Variants in MAPK10 observed in about 807,000 individuals in gnomAD.
MAPK10 encodes the protein mitogen-activated protein kinase 10.
Under a neutral mutation model 59.3 loss-of-function variants are expected in MAPK10, and 25 were observed. That is an observed-to-expected ratio of 0.42 (90% CI 0.31 to 0.59). The LOEUF (loss-of-function observed/expected upper bound fraction) is 0.59, where lower values mean the gene tolerates loss of function less well. MAPK10 is among the 20% of genes least tolerant of loss of function. MAPK10 has a pLI of 0.15. For missense variants in MAPK10, 351 were observed against 568.9 expected (o/e 0.62, Z 3.90); for synonymous variants, 190 against 200.5 (o/e 0.95, Z 0.44).
chr4:86,119,141 A>G (rs2058776267), intron 4 of MAPK10, among the ~76,000 whole-genome samples: 2 of 152,244 alleles, frequency 1.3e-5, no homozygotes, highest in African/African-American at 4.8e-5. Flanking sequence ...TACAAGTAAC[A>G]GAATTCTGAA....
intron 1 of MAPK10, among the ~76,000 whole-genome samples, chr4:86,541,441 G>A (rs1305972821): frequency 1.3e-5 from 2 of 152,148 alleles, no homozygotes. Flanking sequence ...GTGGTAGCGT[G>A]AGCTTTTTCT....
chr4:86,267,381 T>C (rs1044265103), intron 2 of MAPK10, among the ~76,000 whole-genome samples: 56 of 152,192 alleles, frequency 3.7e-4, no homozygotes, highest in Admixed American at 3.4e-3. Context: ...TTTCATGCTC[T>C]GTGTACTCCT....
At chr4:86,077,702 T>G (rs2049797157) in intron 9 of MAPK10, among the ~76,000 whole-genome samples, 1 of 152,190 alleles carries the variant, frequency 6.6e-6, no homozygotes, top group Non-Finnish European at 1.5e-5. Flanking sequence ...GTGCAAAAAT[T>G]TTCTGACCTC....
At chr4:86,070,363 G>C (rs1343331251) in intron 9 of MAPK10, among the ~76,000 whole-genome samples, 2 of 150,206 alleles carry the variant, frequency 1.3e-5, no homozygotes, top group Non-Finnish European at 3.0e-5. Flanking sequence ...TTTTTTTGTA[G>C]CACTTGAAGG....
intron 2 of MAPK10, among the ~76,000 whole-genome samples, chr4:86,225,728 C>T (rs909648663): frequency 1.3e-5 from 2 of 152,080 alleles, no homozygotes; most frequent in Non-Finnish European, 2.9e-5. Context: ...TCAATAGGTA[C>T]TAATAAAACA....
intron 2 of MAPK10, among the ~76,000 whole-genome samples, chr4:86,260,203 A>G (rs1480105382): frequency 6.6e-6 from 1 of 152,084 alleles, no homozygotes; most frequent in Non-Finnish European, 1.5e-5. Flanking sequence ...TTTTGGACCC[A>G]GGCTGTTTGA....
At chr4:86,220,988 G>C (rs546263158) in intron 2 of MAPK10, among the ~76,000 whole-genome samples, 1 of 151,184 alleles carries the variant, frequency 6.6e-6, no homozygotes, top group African/African-American at 2.5e-5. Flanking sequence ...CCTCTCCAAT[G>C]AACATCTTTT....
chr4:86,162,968 A>G (rs2070329102), intron 3 of MAPK10, among the ~76,000 whole-genome samples: 1 of 152,142 alleles, frequency 6.6e-6, no homozygotes, highest in South Asian at 2.1e-4. Flanking sequence ...GCAATCAACC[A>G]ATTAAAAATC....
rs533174132 is a variant in MAPK10 at position 86,333,968 on chromosome 4, T to C, written c.-7+20562A>G. On this transcript the variant is annotated intron_variant, in intron 2 of 13. Transcript: ENST00000641462. ...CTTTGTTGGTATTTGTCAAGGTTTG[T>C]TCCTAGAATCTCTCTTTGCCCCATT... 7.2e-5 allele frequency among the ~76,000 whole-genome samples: 11 copies of C among 152,320 alleles called. No individual in the cohort carries two copies. In the South Asian group the frequency reaches 2.3e-3, roughly 32 times the overall value.
chr4:86,491,864 T>C (rs1330970843), intron 1 of MAPK10, among the ~76,000 whole-genome samples: 2 of 152,196 alleles, frequency 1.3e-5, no homozygotes, highest in Non-Finnish European at 2.9e-5. Context: ...TTTATTTTAT[T>C]TTTTTAGCTT....
intron 1 of MAPK10, among the ~76,000 whole-genome samples, chr4:86,561,658 C>T (rs551049536): frequency 6.6e-6 from 1 of 152,266 alleles, no homozygotes; most frequent in East Asian, 1.9e-4. Flanking sequence ...GAGTAATAGT[C>T]TAATTGTTAA....
chr4:86,303,750 G>A (rs2095511465), intron 2 of MAPK10, among the ~76,000 whole-genome samples: 2 of 152,110 alleles, frequency 1.3e-5, no homozygotes, highest in African/African-American at 2.4e-5. Context: ...AAATGAACAC[G>A]TGTCAAATAT....
intron 4 of MAPK10, among the ~76,000 whole-genome samples, chr4:86,147,440 A>G (rs920113771): frequency 6.6e-6 from 1 of 152,068 alleles, no homozygotes; most frequent in Non-Finnish European, 1.5e-5. Flanking sequence ...TTCTCCTTTA[A>G]ATCTAGTAAA....
In MAPK10 at chr4:86,205,556, A is replaced by C. The variant is rs572470381; in HGVS notation, c.-6-11149T>G. Among the ~76,000 whole-genome samples the C allele has an allele frequency of 3.3e-5, 5 of 152,130 alleles. No individual in the cohort carries two copies. The East Asian group carries it at 9.7e-4, about 29-fold the overall frequency. On this transcript the variant is annotated intron_variant, in intron 2 of 13. Coordinates refer to ENST00000641462, the MANE Select transcript of MAPK10 (RefSeq NM_138982.4). ...TTATAGTATAATCTTATGAACACACAGGTGAAAAATTTTAAAAATTATCAA... is the reference window on the plus strand; with the variant it reads ...TTATAGTATAATCTTATGAACACACCGGTGAAAAATTTTAAAAATTATCAA...
chr4:86,365,618 CT>C (rs1394503348), intron 1 of MAPK10, among the ~76,000 whole-genome samples: 2 of 151,714 alleles, frequency 1.3e-5, no homozygotes, highest in Admixed American at 6.6e-5. Flanking sequence ...GTTTACAATT[CT>C]TTTTTACAGT....
At chr4:86,135,738 A>G (rs1223927821) in intron 4 of MAPK10, among the ~76,000 whole-genome samples, 1 of 151,100 alleles carries the variant, frequency 6.6e-6, no homozygotes, top group African/African-American at 2.5e-5. Flanking sequence ...CAAATTACTG[A>G]GCTATGGGAG....
At chr4:86,110,880 C>A (rs2057373207) in intron 4 of MAPK10, among the ~76,000 whole-genome samples, 1 of 152,060 alleles carries the variant, frequency 6.6e-6, no homozygotes, top group Non-Finnish European at 1.5e-5. Flanking sequence ...AATGTTTTTT[C>A]ATTTGTTTGT....
chr4:86,477,393 G>A (rs1753188728), intron 1 of MAPK10, among the ~76,000 whole-genome samples: 2 of 151,696 alleles, frequency 1.3e-5, no homozygotes, highest in African/African-American at 2.4e-5. Flanking sequence ...ACTATTCCTG[G>A]GCTACAGCCA....
At chr4:86,207,402 C>G (rs2084383591) in intron 2 of MAPK10, among the ~76,000 whole-genome samples, 1 of 151,922 alleles carries the variant, frequency 6.6e-6, no homozygotes, top group African/African-American at 2.4e-5. Flanking sequence ...TTCCGTTGAT[C>G]AATATCTCTG....
Sources: allele counts gnomAD v4.1 joint callset (sites outside exome capture counted in the v4.1 genomes callset), GRCh38; gene constraint gnomAD v4.1.1; transcripts MANE v1.5; gene names NCBI Gene and HGNC (gene_info 2026-07-23, HGNC 2026-07-21).